The following NEK10 variants were observed in gnomAD, a reference collection of about 807,000 sequenced individuals.
NEK10 encodes NIMA related kinase 10.
Under a neutral mutation model 159.8 loss-of-function variants are expected in NEK10, and 122 were observed. The observed-to-expected ratio is 0.76, with a 90% confidence interval of 0.66 to 0.89. NEK10 has a LOEUF of 0.89. NEK10 is among the 40% of genes least tolerant of loss of function. The pLI is 0.00. For missense variants in NEK10, 1,342 were observed against 1,323.1 expected (o/e 1.01, Z -0.22); for synonymous variants, 466 against 457.1 (o/e 1.02, Z -0.25).
intron 13 of NEK10, 140 bp from the exon 14 acceptor site, chr3:27,297,380 C>T: frequency 1.7e-6 from 1 of 594,242 alleles, no homozygotes; most frequent in Non-Finnish European, 3.1e-6. Flanking sequence ...CACTAATTTT[C>T]CTTTTGGCAC....
At chr3:27,322,739 A>G (rs1426693926) in intron 5 of NEK10, among the ~76,000 whole-genome samples, 1 of 152,200 alleles carries the variant, frequency 6.6e-6, no homozygotes, top group African/African-American at 2.4e-5. Flanking sequence ...GGACTTCACC[A>G]TCTTTGTTTT....
At chr3:27,189,585 C>T (rs1948938502) in intron 26 of NEK10, among the ~76,000 whole-genome samples, 1 of 151,974 alleles carries the variant, frequency 6.6e-6, no homozygotes, top group Admixed American at 6.6e-5. Flanking sequence ...AAAAAAGAGT[C>T]ATAAAATTTT....
chr3:27,121,502 A>G (rs1199225772), intron 32 of NEK10, among the ~76,000 whole-genome samples: 1 of 152,152 alleles, frequency 6.6e-6, no homozygotes, highest in African/African-American at 2.4e-5. Context: ...TTCTCGTGAT[A>G]GTGAAAAAGT....
chr3:27,160,053 A>G (rs1209457823), intron 30 of NEK10, among the ~76,000 whole-genome samples: 1 of 152,066 alleles, frequency 6.6e-6, no homozygotes, highest in Admixed American at 6.6e-5. Flanking sequence ...GTTCCTTTCT[A>G]TCCAAGAAAG....
intron 31 of NEK10, among the ~76,000 whole-genome samples, chr3:27,138,113 C>T (rs893041637): frequency 1.3e-5 from 2 of 152,228 alleles, no homozygotes; most frequent in Admixed American, 6.5e-5. Flanking sequence ...GCTGCGGCAG[C>T]TCATAGCAAA....
At chr3:27,134,952 T>G (rs1034346054) in intron 31 of NEK10, among the ~76,000 whole-genome samples, 4 of 152,148 alleles carry the variant, frequency 2.6e-5, no homozygotes, top group South Asian at 2.1e-4. Context: ...CTCACTTTTT[T>G]CTCCACGACA....
intron 23 of NEK10, among the ~76,000 whole-genome samples, chr3:27,243,827 ATGGGTG>A (rs1954793152): frequency 9.2e-6 from 1 of 109,150 alleles, no homozygotes; most frequent in Non-Finnish European, 1.8e-5. Context: ...GACTGACACC[ATGGGTG>A]TGTGTGTGTG....
At chr3:27,360,476 T>A (rs182062131) in intron 1 of NEK10, among the ~76,000 whole-genome samples, 2 of 152,304 alleles carry the variant, frequency 1.3e-5, no homozygotes, top group Admixed American at 1.3e-4. Flanking sequence ...GAGGAGGAAA[T>A]TAAGACCCAG....
intron 5 of NEK10, among the ~76,000 whole-genome samples, chr3:27,323,930 G>A (rs1445501395): frequency 1.3e-5 from 2 of 152,170 alleles, no homozygotes; most frequent in Non-Finnish European, 2.9e-5. Context: ...AATATATATG[G>A]ATGACCAATT....
intron 23 of NEK10, among the ~76,000 whole-genome samples, chr3:27,233,951 A>C (rs1460995609): frequency 1.3e-5 from 2 of 152,120 alleles, no homozygotes; most frequent in Non-Finnish European, 2.9e-5. Flanking sequence ...CCTGGAATGC[A>C]AGGTTGGTTC....
At chr3:27,262,012 T>C (rs2040458010) in intron 22 of NEK10, among the ~76,000 whole-genome samples, 1 of 152,226 alleles carries the variant, frequency 6.6e-6, no homozygotes, top group Admixed American at 6.5e-5. Context: ...TTTGTTGGTT[T>C]AAAGTCTGTT....
At chr3:27,270,698 G>A (rs1289202508) in intron 22 of NEK10, among the ~76,000 whole-genome samples, 1 of 151,690 alleles carries the variant, frequency 6.6e-6, no homozygotes. Flanking sequence ...GGTCCAAAAG[G>A]ATCTTTTAAA....
chr3:27,234,865 T>C (rs935679455), intron 23 of NEK10, among the ~76,000 whole-genome samples: 1 of 152,270 alleles, frequency 6.6e-6, no homozygotes, highest in Admixed American at 6.5e-5. Context: ...CTCCAAGCTA[T>C]ACTACAGGGC....
At chr3:27,306,285 A>G (rs1191654773) in intron 11 of NEK10, among the ~76,000 whole-genome samples, 1 of 152,140 alleles carries the variant, frequency 6.6e-6, no homozygotes, top group Non-Finnish European at 1.5e-5. Context: ...ATCCTTTGTC[A>G]TGCTCAAGAT....
At chr3:27,284,152 G>A (rs1221095784) in intron 22 of NEK10, among the ~76,000 whole-genome samples, 2 of 152,134 alleles carry the variant, frequency 1.3e-5, no homozygotes, top group South Asian at 2.1e-4. Flanking sequence ...TTGGGAGGAC[G>A]AGGAGGGTGG....
At chr3:27,257,670 C>G (rs1263857895) in intron 22 of NEK10, among the ~76,000 whole-genome samples, 1 of 152,076 alleles carries the variant, frequency 6.6e-6, no homozygotes, top group Admixed American at 6.6e-5. Context: ...TAGCTTAGTG[C>G]TTAAAAGACA....
At chr3:27,119,947 A>C in intron 32 of NEK10, 79 bp from the exon 33 acceptor site, 1 of 1,006,746 alleles carries the variant, frequency 9.9e-7, no homozygotes, top group Non-Finnish European at 1.6e-6. Flanking sequence ...GGGGTTTTTC[A>C]TTTCCCTATG....
At chr3:27,149,979 G>A (rs1298913862) in intron 30 of NEK10, among the ~76,000 whole-genome samples, 1 of 152,110 alleles carries the variant, frequency 6.6e-6, no homozygotes, top group East Asian at 1.9e-4. Flanking sequence ...TGCTTATATA[G>A]AGAAAGATTT....
chr3:27,352,682 A>C, intron 2 of NEK10, 130 bp downstream of exon 2: 1 of 798,860 alleles, frequency 1.3e-6, no homozygotes, highest in South Asian at 1.6e-5. Flanking sequence ...AAATGACCAG[A>C]TGTTTCAGTA....
Sources: allele counts gnomAD v4.1 joint callset (sites outside exome capture counted in the v4.1 genomes callset), GRCh38; gene constraint gnomAD v4.1.1; transcripts MANE v1.5; gene names NCBI Gene and HGNC (gene_info 2026-07-23, HGNC 2026-07-21).